The following MYO3B variants were observed in gnomAD, a reference collection of about 807,000 sequenced individuals.
MYO3B encodes myosin-IIIb.
A neutral mutation model predicts 174.6 loss-of-function variants in MYO3B; 156 were observed. The ratio of observed to expected loss-of-function variants is 0.89; its 90% CI spans 0.78 to 1.02. MYO3B has a LOEUF of 1.02. Among genes scored for constraint, MYO3B ranks in the 50% least tolerant of loss-of-function variants. The probability of loss-of-function intolerance (pLI) is 0.00; values close to 1 mark genes in which losing one functional copy is unlikely to be tolerated. For synonymous variants in MYO3B, 563 were observed against 569.1 expected (o/e 0.99, Z 0.15); for missense variants, 1,632 against 1,639.4 (o/e 1.00, Z 0.08).
chr2:170,435,027 A>C (rs1443741504), intron 22 of MYO3B, among the ~76,000 whole-genome samples: 1 of 152,214 alleles, frequency 6.6e-6, no homozygotes, highest in Non-Finnish European at 1.5e-5. Flanking sequence ...CATTTTTGTT[A>C]GCTACAGTGT....
Position 170,178,250 on chromosome 2 carries a change from C to T in MYO3B, c.-38C>T, listed in dbSNP as rs80098412. ...GCTGGTTTTTGGAGGAATGAGAATC[C>T]AATCTCTCATAAGCCGGATTCAGAA... On this transcript the variant is annotated 5_prime_UTR_variant, in exon 1 of 35. An upstream open reading frame in the 5' UTR gains an earlier in-frame stop. Transcript: ENST00000408978. 6,012 of 1,613,788 alleles carry T rather than the reference C, an allele frequency of 3.7e-3. 17 individuals carry two copies. The highest frequency in any genetic ancestry group is 4.5e-3 in the Non-Finnish European group (5,359 of 1,179,680).
chr2:170,264,209 A>C (rs991508293), intron 7 of MYO3B, among the ~76,000 whole-genome samples: 2 of 152,238 alleles, frequency 1.3e-5, no homozygotes, highest in African/African-American at 4.8e-5. Flanking sequence ...TTCTGTCTAC[A>C]TAGACACAGT....
intron 7 of MYO3B, among the ~76,000 whole-genome samples, chr2:170,256,427 CA>C (rs1196630417): frequency 6.6e-6 from 1 of 152,158 alleles, no homozygotes; most frequent in Admixed American, 6.5e-5. Flanking sequence ...ATTATGCTAA[CA>C]GTGGACTTCT....
At chr2:170,181,132 A>G (rs889460544) in intron 1 of MYO3B, among the ~76,000 whole-genome samples, 1 of 152,140 alleles carries the variant, frequency 6.6e-6, no homozygotes, top group Non-Finnish European at 1.5e-5. Context: ...TAGCTCTTAC[A>G]TCTGTTTAAT....
At chr2:170,269,073 C>T (rs555876903) in intron 7 of MYO3B, among the ~76,000 whole-genome samples, 1 of 152,308 alleles carries the variant, frequency 6.6e-6, no homozygotes, top group South Asian at 2.1e-4. Context: ...CGGTAAGATG[C>T]CAGCTGTGAA....
chr2:170,306,169 C>T (rs576355805), intron 7 of MYO3B, among the ~76,000 whole-genome samples: 1 of 152,270 alleles, frequency 6.6e-6, no homozygotes, highest in African/African-American at 2.4e-5. Flanking sequence ...GTTGGACTTA[C>T]ATATCTGTTC....
intron 9 of MYO3B, among the ~76,000 whole-genome samples, chr2:170,377,565 GA>G (rs1388977487): frequency 1.3e-5 from 2 of 152,024 alleles, no homozygotes; most frequent in Non-Finnish European, 2.9e-5. Context: ...CCTGATCCCT[GA>G]AACCTAAGGC....
intron 1 of MYO3B, among the ~76,000 whole-genome samples, chr2:170,194,274 G>A (rs1163427909): frequency 1.3e-5 from 2 of 152,150 alleles, no homozygotes; most frequent in Non-Finnish European, 2.9e-5. Flanking sequence ...AGAGGCCAGG[G>A]TGGGAGGATC....
chr2:170,441,408 G>A (rs1294548173), intron 22 of MYO3B, among the ~76,000 whole-genome samples: 1 of 152,152 alleles, frequency 6.6e-6, no homozygotes, highest in African/African-American at 2.4e-5. Context: ...AGTGTTACTG[G>A]AAAGGGATCC....
intron 3 of MYO3B, among the ~76,000 whole-genome samples, chr2:170,212,242 TCA>T (rs2092779340): frequency 1.2e-5 from 1 of 83,396 alleles, no homozygotes. Context: ...AAACTCCCTC[TCA>T]AAAAAAAAAA....
intron 8 of MYO3B, among the ~76,000 whole-genome samples, chr2:170,335,943 C>A (rs1167575372): frequency 6.6e-6 from 1 of 152,014 alleles, no homozygotes; most frequent in Admixed American, 6.6e-5. Flanking sequence ...GGTATCCCAG[C>A]CAAGGCTCAA....
At chr2:170,518,297 TA>T (rs1395825465) in intron 29 of MYO3B, among the ~76,000 whole-genome samples, 1 of 152,252 alleles carries the variant, frequency 6.6e-6, no homozygotes, top group African/African-American at 2.4e-5. Flanking sequence ...GTCAACCATT[TA>T]TGCATCTTCC....
chr2:170,226,518 A>G (rs1456032578), intron 6 of MYO3B, among the ~76,000 whole-genome samples: 2 of 152,144 alleles, frequency 1.3e-5, no homozygotes, highest in Non-Finnish European at 2.9e-5. Flanking sequence ...GGTGGAAATG[A>G]CTGGATGCAG....
chr2:170,478,342 A>G (rs1685439330), intron 25 of MYO3B, among the ~76,000 whole-genome samples: 1 of 152,184 alleles, frequency 6.6e-6, no homozygotes, highest in Non-Finnish European at 1.5e-5. Context: ...AGTGATTTAA[A>G]GAATACGGGA....
intron 22 of MYO3B, among the ~76,000 whole-genome samples, chr2:170,418,810 T>A (rs1404000457): frequency 3.4e-5 from 5 of 146,360 alleles, no homozygotes; most frequent in South Asian, 4.3e-4. Flanking sequence ...GCAATTACTT[T>A]AAAAAAAAAA....
At chr2:170,466,462 TGTTG>T in intron 24 of MYO3B, 40 bp from the exon 25 acceptor site, 1 of 1,580,762 alleles carries the variant, frequency 6.3e-7, no homozygotes, top group Non-Finnish European at 8.7e-7. Context: ...CTATCCATTG[TGTTG>T]GTGGTAACCT....
At chr2:170,578,703 A>C (rs950540140) in intron 32 of MYO3B, among the ~76,000 whole-genome samples, 2 of 152,278 alleles carry the variant, frequency 1.3e-5, no homozygotes. Context: ...TGCTAAAAAA[A>C]TATTTCCGAT....
In MYO3B at chr2:170,619,737, CTTTTTTTTTT is replaced by C. The variant is rs71412032; in HGVS notation, c.3734-31873_3734-31864del. ...GATGGCCCATCACTGCTGCCATATTCTTTTTTTTTTTTTTTTTTTTTTTTTTTGAGACAGA... is the reference window on the plus strand; with the variant it reads ...GATGGCCCATCACTGCTGCCATATTCTTTTTTTTTTTTTTTTTGAGACAGA... On this transcript the variant is annotated intron_variant, in intron 32 of 34. Transcript: ENST00000408978. Among the ~76,000 whole-genome samples the C allele has an allele frequency of 4.6e-3, 233 of 50,788 alleles. 6 individuals are homozygous for C. The highest frequency in any genetic ancestry group is 0.016 in the African/African-American group (198 of 12,086). The allele number at this position is 50,788 out of a possible 152,430, so 33.3% of individuals were successfully genotyped here.
intron 28 of MYO3B, among the ~76,000 whole-genome samples, chr2:170,502,185 G>T (rs1015563384): frequency 2.0e-5 from 3 of 152,170 alleles, no homozygotes; most frequent in Non-Finnish European, 4.4e-5. Flanking sequence ...ATCAGTTGCA[G>T]AGCCAGCATT....
Sources: gnomAD v4.1 joint callset for allele counts (sites outside exome capture counted in the v4.1 genomes callset) on GRCh38, gnomAD v4.1.1 for gene constraint, MANE v1.5 for transcripts, NCBI Gene and HGNC (gene_info 2026-07-23, HGNC 2026-07-21) for gene names.